The following ELP4 variants were observed in gnomAD, a reference collection of about 807,000 sequenced individuals.
The protein encoded by ELP4 is elongator complex protein 4.
In ELP4, 51 loss-of-function variants were observed where a neutral mutation model predicts 48.9. That is an observed-to-expected ratio of 1.04 (90% confidence interval 0.83 to 1.32). ELP4 has a LOEUF of 1.32. Ranked by LOEUF, ELP4 falls within the 40% of genes most tolerant of loss-of-function variation. The probability of loss-of-function intolerance (pLI) is 0.00; values close to 1 mark genes in which losing one functional copy is unlikely to be tolerated. For synonymous variants in ELP4, 210 were observed against 189.2 expected, an observed-to-expected ratio of 1.11 and a Z score of -0.90; for missense variants, 519 against 514.6, an observed-to-expected ratio of 1.01 and a Z score of -0.08.
chr11:31,670,309 A>G (rs1398559415), intron 9 of ELP4, among the ~76,000 whole-genome samples: 1 of 152,168 alleles, frequency 6.6e-6, no homozygotes, highest in African/African-American at 2.4e-5. Context: ...TAACATCTTG[A>G]TAACACTGGA....
At chr11:31,752,723 A>C (rs1947749986) in intron 9 of ELP4, among the ~76,000 whole-genome samples, 1 of 151,540 alleles carries the variant, frequency 6.6e-6, no homozygotes, top group African/African-American at 2.4e-5. Context: ...AGTCCCAGCT[A>C]CTCGGGAGGC....
intron 9 of ELP4, among the ~76,000 whole-genome samples, chr11:31,667,833 C>T (rs1945713285): frequency 6.6e-6 from 1 of 152,142 alleles, no homozygotes; most frequent in South Asian, 2.1e-4. Context: ...ACTCGTGCTA[C>T]TCAGACTGGA....
chr11:31,517,509 G>A (rs1956136797), intron 1 of ELP4, among the ~76,000 whole-genome samples: 1 of 152,016 alleles, frequency 6.6e-6, no homozygotes, highest in Admixed American at 6.6e-5. Context: ...TGACAAATGT[G>A]ACTACAAAAC....
At chr11:31,695,341 A>G (rs1321574875) in intron 9 of ELP4, among the ~76,000 whole-genome samples, 2 of 152,130 alleles carry the variant, frequency 1.3e-5, no homozygotes, top group African/African-American at 4.8e-5. Context: ...ATCAATACCT[A>G]ATTTATCAAA....
chr11:31,609,742 A>G (rs1056038849), intron 5 of ELP4, among the ~76,000 whole-genome samples: 2 of 152,090 alleles, frequency 1.3e-5, no homozygotes, highest in South Asian at 2.1e-4. Context: ...GTCTAAATAT[A>G]AGATTAAAGA....
intron 2 of ELP4, among the ~76,000 whole-genome samples, chr11:31,522,660 A>C (rs777930980): frequency 1.3e-5 from 2 of 152,176 alleles, no homozygotes; most frequent in Non-Finnish European, 2.9e-5. Context: ...AAACTGTAAG[A>C]TATAGACTTG....
intron 9 of ELP4, among the ~76,000 whole-genome samples, chr11:31,703,024 C>A (rs988905410): frequency 1.3e-5 from 2 of 152,148 alleles, no homozygotes; most frequent in Non-Finnish European, 2.9e-5. Flanking sequence ...AGTTAACACA[C>A]CAAAGCTCCT....
intron 1 of ELP4, among the ~76,000 whole-genome samples, chr11:31,514,929 G>T (rs564091198): frequency 4.0e-5 from 6 of 151,474 alleles, no homozygotes; most frequent in African/African-American, 1.5e-4. Flanking sequence ...AAGGTATCTT[G>T]TGGAAATGTT....
At chr11:31,751,324 A>C (rs1287629421) in intron 9 of ELP4, among the ~76,000 whole-genome samples, 1 of 152,204 alleles carries the variant, frequency 6.6e-6, no homozygotes, top group Non-Finnish European at 1.5e-5. Context: ...CCAACTTAAA[A>C]ACTAATTTCA....
chr11:31,679,921 C>G (rs1264812438), intron 9 of ELP4, among the ~76,000 whole-genome samples: 1 of 152,124 alleles, frequency 6.6e-6, no homozygotes, highest in Non-Finnish European at 1.5e-5. Context: ...GGGCTGGGTC[C>G]CTCTGGAGTT....
At chr11:31,632,440 A>G (rs376624794) in intron 7 of ELP4, 35 bp downstream of exon 7, 334 of 1,524,870 alleles carry the variant, frequency 2.2e-4, no homozygotes, top group South Asian at 2.5e-4. Context: ...TTCATAATTC[A>G]TAGTAATATA....
At chr11:31,636,617 CAT>C (rs1318288450) in intron 7 of ELP4, among the ~76,000 whole-genome samples, 6 of 151,818 alleles carry the variant, frequency 4.0e-5, no homozygotes, top group Admixed American at 2.0e-4. Context: ...AAAATAATGA[CAT>C]AGATTCAAAA....
Position 31,736,601 on chromosome 11 carries a change from G to A in ELP4, c.1144-46792G>A, listed in dbSNP as rs956300402. On this transcript the variant is annotated intron_variant, in intron 9 of 9. Transcript: ENST00000640961. ...ATCTGACAAAGGGCTAATATACAGA[G>A]TCTACAATGAACTCAAACAAATTTA... Among the ~76,000 whole-genome samples the A allele has an allele frequency of 6.0e-4, 92 of 152,198 alleles. 1 individual carries two copies. Among genetic ancestry groups the A allele is most frequent in the Non-Finnish European group, 1.0e-3 (71 of 68,010 alleles).
At chr11:31,624,780 G>T (rs962518808) in intron 5 of ELP4, among the ~76,000 whole-genome samples, 1 of 151,530 alleles carries the variant, frequency 6.6e-6, no homozygotes, top group Non-Finnish European at 1.5e-5. Flanking sequence ...TATTCTATAT[G>T]CTATTTTTAA....
intron 2 of ELP4, among the ~76,000 whole-genome samples, chr11:31,536,691 T>C (rs1214089377): frequency 6.6e-6 from 1 of 152,236 alleles, no homozygotes; most frequent in Non-Finnish European, 1.5e-5. Context: ...TGTTTTGCAT[T>C]GCAACTAACA....
intron 3 of ELP4, among the ~76,000 whole-genome samples, chr11:31,586,810 T>C (rs1158716931): frequency 6.6e-6 from 1 of 151,972 alleles, no homozygotes; most frequent in Non-Finnish European, 1.5e-5. Context: ...GCCCGGCTAA[T>C]TTTGTATTTT....
intron 3 of ELP4, among the ~76,000 whole-genome samples, chr11:31,587,849 A>G (rs988665773): frequency 4.6e-5 from 7 of 152,146 alleles, no homozygotes; most frequent in Non-Finnish European, 8.8e-5. Flanking sequence ...TTTATACCAT[A>G]GTGTAATTAA....
Position 31,603,750 on chromosome 11 carries a change from T to G in ELP4, c.514-18T>G. On this transcript the variant is annotated intron_variant, in intron 4 of 9. Coordinates refer to ENST00000640961, the MANE Select transcript of ELP4 (RefSeq NM_019040.5). ...AAAAATAATTGTTTAACAACCACTA[T>G]GGGGTTTATTTTAGCAGATTGGACC... The G allele has an allele frequency of 6.2e-7, 1 of 1,602,680 alleles. No homozygotes were observed. The highest frequency in any genetic ancestry group is 1.1e-5 in the South Asian group (1 of 88,926).
intron 4 of ELP4, among the ~76,000 whole-genome samples, chr11:31,601,955 G>C (rs1263065612): frequency 6.6e-6 from 1 of 152,000 alleles, no homozygotes; most frequent in African/African-American, 2.4e-5. Context: ...TTTTGAATCA[G>C]GAAAGGTTAT....
Sources: gnomAD v4.1 joint callset for allele counts (sites outside exome capture counted in the v4.1 genomes callset) on GRCh38, gnomAD v4.1.1 for gene constraint, MANE v1.5 for transcripts, NCBI Gene and HGNC (gene_info 2026-07-23, HGNC 2026-07-21) for gene names.